The following LMO7 variants were observed in gnomAD, a reference collection of about 807,000 sequenced individuals.
The protein encoded by LMO7 is LIM domain 7.
LMO7 carries 120 observed loss-of-function variants against 206.5 expected under a neutral mutation model. The ratio of observed to expected loss-of-function variants is 0.58; its 90% CI spans 0.50 to 0.68. The LOEUF is 0.68. Among genes scored for constraint, LMO7 ranks in the 30% least tolerant of loss-of-function variants. LMO7 has a pLI of 0.00. For synonymous variants in LMO7, 706 were observed against 681.5 expected (o/e 1.04, Z -0.56); for missense variants, 1,959 against 1,957.9 (o/e 1.00, Z -0.01).
intron 2 of LMO7, among the ~76,000 whole-genome samples, chr13:75,720,639 A>T (rs914904711): frequency 1.3e-5 from 2 of 152,216 alleles, no homozygotes; most frequent in African/African-American, 4.8e-5. Context: ...CTGCCCTGAG[A>T]CTATTCAAGC....
intron 3 of LMO7, among the ~76,000 whole-genome samples, chr13:75,757,329 C>G (rs2047755196): frequency 1.3e-5 from 2 of 152,198 alleles, no homozygotes; most frequent in South Asian, 4.1e-4. Context: ...CAGAACTATT[C>G]AGCTAAGGCC....
At chr13:75,808,448 T>A (rs1005147677) in intron 10 of LMO7, among the ~76,000 whole-genome samples, 1 of 152,228 alleles carries the variant, frequency 6.6e-6, no homozygotes, top group Admixed American at 6.5e-5. Context: ...AACCTTGCCT[T>A]TGACTTAAGC....
chr13:75,649,323 G>C (rs759693029), intron 1 of LMO7, among the ~76,000 whole-genome samples: 1 of 152,166 alleles, frequency 6.6e-6, no homozygotes, highest in African/African-American at 2.4e-5. Flanking sequence ...TCTGTTAGGA[G>C]GACAGGAAGA....
intron 4 of LMO7, among the ~76,000 whole-genome samples, chr13:75,763,804 C>T (rs567756230): frequency 2.0e-5 from 3 of 152,070 alleles, no homozygotes; most frequent in Non-Finnish European, 4.4e-5. Context: ...CTGTATGGAG[C>T]CCAAGCAGAG....
At chr13:75,835,143 G>T (rs758132650) in intron 17 of LMO7, 90 bp from the exon 18 acceptor site, 2 of 1,553,670 alleles carry the variant, frequency 1.3e-6, no homozygotes, top group South Asian at 2.5e-5. Flanking sequence ...ATCTTCATGT[G>T]CCAATCAGAC....
In LMO7 at chr13:75,661,716, A is replaced by C. The variant is rs565232559; in HGVS notation, c.69+24990A>C. Among the ~76,000 whole-genome samples, 30 of 152,318 alleles carry C rather than the reference A, an allele frequency of 2.0e-4. No homozygotes were observed. The South Asian group carries it at 6.0e-3, about 31-fold the overall frequency. ...ACTGTGACATTTGGAGTGCATCTGC[A>C]CTGGAAGCAGGTGTTCTTGCCCCTC... On this transcript the variant is annotated intron_variant, in intron 1 of 30. Coordinates refer to ENST00000377534, the MANE Select transcript of LMO7 (RefSeq NM_001306080.2).
intron 1 of LMO7, among the ~76,000 whole-genome samples, chr13:75,667,736 G>A (rs1287197599): frequency 1.3e-5 from 2 of 152,062 alleles, no homozygotes; most frequent in Non-Finnish European, 2.9e-5. Context: ...TGTTAATTAG[G>A]ATCACTGGAA....
chr13:75,727,118 C>A lies in LMO7; in HGVS notation c.210+20C>A, dbSNP rs201245586. On this transcript the variant is annotated intron_variant, in intron 3 of 30. Coordinates refer to ENST00000377534, the MANE Select transcript of LMO7 (RefSeq NM_001306080.2). ...GGATTGGTAAGTAGTAAATTATCTT[C>A]ACAACTAAATTTATTTGTCTTTGAA... 1.4e-6 allele frequency: 2 copies of A among 1,441,124 alleles called. No individual in the cohort carries two copies. Among genetic ancestry groups the A allele is most frequent in the Non-Finnish European group, 1.9e-6 (2 of 1,027,276 alleles). 89.3% of individuals were successfully genotyped at this position (1,441,124 alleles called of 1,614,324 possible).
intron 3 of LMO7, among the ~76,000 whole-genome samples, chr13:75,755,842 T>A (rs1236448473): frequency 6.6e-6 from 1 of 152,220 alleles, no homozygotes; most frequent in Admixed American, 6.5e-5. Context: ...GAGATTCCAT[T>A]CTTCTAGTGA....
At chr13:75,674,360 A>C (rs1027295000) in intron 1 of LMO7, among the ~76,000 whole-genome samples, 1 of 152,234 alleles carries the variant, frequency 6.6e-6, no homozygotes, top group African/African-American at 2.4e-5. Context: ...ATTGCAAAAG[A>C]ATTGCTTTTG....
At chr13:75,777,647 G>GTTTTTT (rs3036339) in intron 4 of LMO7, among the ~76,000 whole-genome samples, 1 of 132,116 alleles carries the variant, frequency 7.6e-6, no homozygotes, top group Non-Finnish European at 1.6e-5. Context: ...TTCTTTTCTT[G>GTTTTTT]TTTTTTTTTT....
chr13:75,806,775 A>G (rs1233979342), intron 9 of LMO7: 1 of 152,246 alleles, frequency 6.6e-6, no homozygotes, highest in Non-Finnish European at 1.5e-5. Flanking sequence ...TTCAAAGATT[A>G]TTCCTTCTTC....
chr13:75,627,987 G>C (rs545981267), intron 2 of LMO7: 1 of 151,476 alleles, frequency 6.6e-6, no homozygotes, highest in African/African-American at 2.4e-5. Flanking sequence ...CTCAAAAAAA[G>C]CTCTTAAGAT....
At chr13:75,774,055 C>G (rs1490684604) in intron 4 of LMO7, among the ~76,000 whole-genome samples, 1 of 152,092 alleles carries the variant, frequency 6.6e-6, no homozygotes, top group Non-Finnish European at 1.5e-5. Context: ...TCTTACCCAT[C>G]TTTGCCTTTT....
intron 1 of LMO7, among the ~76,000 whole-genome samples, chr13:75,699,586 C>T (rs1447703446): frequency 1.3e-5 from 2 of 151,810 alleles, no homozygotes; most frequent in East Asian, 3.8e-4. Context: ...AGCTGCAAAA[C>T]CAACACGTCT....
chr13:75,734,012 A>G (rs1360441001), intron 3 of LMO7, among the ~76,000 whole-genome samples: 1 of 152,238 alleles, frequency 6.6e-6, no homozygotes, highest in African/African-American at 2.4e-5. Flanking sequence ...GCCAGCACAC[A>G]GATCCTAAGT....
intron 4 of LMO7, among the ~76,000 whole-genome samples, chr13:75,783,670 G>A (rs553834082): frequency 6.6e-6 from 1 of 152,278 alleles, no homozygotes; most frequent in Non-Finnish European, 1.5e-5. Context: ...AAGAGAGCTT[G>A]AATGAGTTTT....
chr13:75,766,992 T>TG (rs2048986330), intron 4 of LMO7, among the ~76,000 whole-genome samples: 1 of 152,108 alleles, frequency 6.6e-6, no homozygotes, highest in East Asian at 1.9e-4. Flanking sequence ...ACTGAACTTT[T>TG]GGTTTCAGTT....
At chr13:75,761,782 AATT>A (rs1349104581) in intron 4 of LMO7, among the ~76,000 whole-genome samples, 1 of 152,086 alleles carries the variant, frequency 6.6e-6, no homozygotes, top group African/African-American at 2.4e-5. Flanking sequence ...GTGACAGGAA[AATT>A]ATTTAATTTT....
Sources: allele counts gnomAD v4.1 joint callset (sites outside exome capture counted in the v4.1 genomes callset), GRCh38; gene constraint gnomAD v4.1.1; transcripts MANE v1.5; gene names NCBI Gene and HGNC (gene_info 2026-07-23, HGNC 2026-07-21).